CBLN2: variants seen among roughly 807,000 people sequenced by gnomAD.
CBLN2 encodes cerebellin-2.
A neutral mutation model predicts 15.0 loss-of-function variants in CBLN2; 7 were observed. The ratio of observed to expected loss-of-function variants is 0.47; its 90% CI spans 0.27 to 0.88. The LOEUF is 0.88. Among genes scored for constraint, CBLN2 ranks in the 40% least tolerant of loss-of-function variants. The pLI, the probability that CBLN2 is intolerant of heterozygous loss-of-function variation, is 0.14. For synonymous variants in CBLN2, 149 were observed against 135.2 expected (o/e 1.10, Z -0.71); for missense variants, 242 against 304.5 (o/e 0.79, Z 1.53).
At chr18:72,567,695 CTCT>C (rs1414819518) in intron 1 of CBLN2, among the ~76,000 whole-genome samples, 1 of 152,150 alleles carries the variant, frequency 6.6e-6, no homozygotes, top group Non-Finnish European at 1.5e-5. Context: ...TTTTCTCTTT[CTCT>C]TCTTCTTTCT....
At chr18:72,546,573 C>A (rs906127825), upstream of CBLN2, among the ~76,000 whole-genome samples, 7 of 152,072 alleles carry the variant, frequency 4.6e-5, no homozygotes, top group African/African-American at 1.7e-4. Flanking sequence ...TCCTTTTTCT[C>A]TCCCTTTTCC....
intron 1 of CBLN2, among the ~76,000 whole-genome samples, chr18:72,610,012 G>A (rs1599021897): frequency 6.6e-6 from 1 of 152,124 alleles, no homozygotes; most frequent in East Asian, 1.9e-4. Context: ...GTTCCCTAAT[G>A]TTCCACAGCC....
chr18:72,613,452 A>G (rs1167363374), intron 1 of CBLN2, among the ~76,000 whole-genome samples: 1 of 151,936 alleles, frequency 6.6e-6, no homozygotes, highest in East Asian at 1.9e-4. Context: ...TTATTTTTAA[A>G]TTATTATTAG....
At chr18:72,549,859 A>G (rs1242359126) in intron 1 of CBLN2, among the ~76,000 whole-genome samples, 1 of 152,138 alleles carries the variant, frequency 6.6e-6, no homozygotes, top group Non-Finnish European at 1.5e-5. Context: ...TCATCTGCAC[A>G]TTACTGGGCA....
intron 1 of CBLN2, among the ~76,000 whole-genome samples, chr18:72,595,598 G>C (rs2069508343): frequency 6.6e-6 from 1 of 152,110 alleles, no homozygotes; most frequent in Non-Finnish European, 1.5e-5. Context: ...TGGATGATCT[G>C]TCCAATGCTG....
intron 1 of CBLN2, among the ~76,000 whole-genome samples, chr18:72,636,767 A>G (rs1307787729): frequency 6.6e-6 from 1 of 152,198 alleles, no homozygotes; most frequent in Non-Finnish European, 1.5e-5. Context: ...TCACATGTAG[A>G]ATGAAAATTG....
At chr18:72,575,502 A>C (rs1189741231) in intron 1 of CBLN2, among the ~76,000 whole-genome samples, 2 of 152,144 alleles carry the variant, frequency 1.3e-5, no homozygotes, top group African/African-American at 4.8e-5. Context: ...GAAGGTTTTT[A>C]GGAAGGGGGG....
intron 1 of CBLN2, among the ~76,000 whole-genome samples, chr18:72,581,150 C>T (rs1161990516): frequency 2.0e-5 from 3 of 152,212 alleles, no homozygotes; most frequent in Admixed American, 1.3e-4. Flanking sequence ...TCAGATATCT[C>T]TCCTCTATCA....
At chr18:72,593,840 T>G (rs2069495999) in intron 1 of CBLN2, among the ~76,000 whole-genome samples, 1 of 152,192 alleles carries the variant, frequency 6.6e-6, no homozygotes, top group African/African-American at 2.4e-5. Flanking sequence ...ATGCATAAGT[T>G]TACTGCAGCA....
intron 1 of CBLN2, among the ~76,000 whole-genome samples, chr18:72,560,312 A>T (rs658467): frequency 2.6e-5 from 4 of 152,252 alleles, no homozygotes; most frequent in South Asian, 2.1e-4. Flanking sequence ...AATAAGGTGC[A>T]TGAGTGATCA....
intron 1 of CBLN2, among the ~76,000 whole-genome samples, chr18:72,567,960 G>A (rs535420369): frequency 6.6e-6 from 1 of 152,278 alleles, no homozygotes; most frequent in South Asian, 2.1e-4. Context: ...TAAAACTATT[G>A]TTAGGATTAA....
At chr18:72,579,732 G>GCAAAAAA (rs1359382633) in intron 1 of CBLN2, among the ~76,000 whole-genome samples, 1 of 94,086 alleles carries the variant, frequency 1.1e-5, no homozygotes, top group African/African-American at 2.6e-5. Flanking sequence ...ACTCCGTCTC[G>GCAAAAAA]CAAAAAACAA....
At chr18:72,611,564 G>C (rs1281268234) in intron 1 of CBLN2, among the ~76,000 whole-genome samples, 3 of 152,094 alleles carry the variant, frequency 2.0e-5, no homozygotes, top group Admixed American at 2.0e-4. Context: ...GTCTGTTCAT[G>C]TCTTTTGCCT....
At chr18:72,637,049 A>AAG (rs1438887553) in intron 1 of CBLN2, among the ~76,000 whole-genome samples, 5 of 151,996 alleles carry the variant, frequency 3.3e-5, no homozygotes, top group African/African-American at 1.2e-4. Flanking sequence ...TGCAAAAAAA[A>AAG]AAAAAACCCA....
rs142831507 is a variant in CBLN2 at position 72,636,158 on chromosome 18, T to A, written c.15+2167A>T. Among the ~76,000 whole-genome samples, 245 of 152,340 alleles carry A rather than the reference T, an allele frequency of 1.6e-3. No homozygotes were observed. The Middle Eastern group carries it at 0.024, about 15-fold the overall frequency. ...TACATTATCCAAATTCAAATTTAAT[T>A]TTCTTTATAAAATGGAACATTATCT... On this transcript the variant is annotated intron_variant, in intron 1 of 2. Transcript: ENST00000581073.
At chr18:72,619,323 G>C in intron 1 of CBLN2, 1 of 561,116 alleles carries the variant, frequency 1.8e-6, no homozygotes, top group Non-Finnish European at 3.3e-6. Flanking sequence ...AAGCACAGTG[G>C]TGGCAGGGCC....
upstream of CBLN2, among the ~76,000 whole-genome samples, chr18:72,547,295 A>T (rs1376714556): frequency 6.6e-6 from 1 of 152,152 alleles, no homozygotes; most frequent in Non-Finnish European, 1.5e-5. Context: ...GGGAGGTAAA[A>T]AATGCGCACA....
intron 1 of CBLN2, among the ~76,000 whole-genome samples, chr18:72,610,179 G>T (rs2069612517): frequency 6.6e-6 from 1 of 152,038 alleles, no homozygotes; most frequent in South Asian, 2.1e-4. Context: ...AGTTGTTGTT[G>T]TTGTTTTTAG....
chr18:72,538,493 G>A (rs962067598), intron 4 of CBLN2, 120 bp from the exon 5 acceptor site: 119 of 1,409,714 alleles, frequency 8.4e-5, no homozygotes, highest in Admixed American at 1.6e-4. Flanking sequence ...CACATCAGGG[G>A]AGCCTGACAG....
Sources: allele counts gnomAD v4.1 joint callset (sites outside exome capture counted in the v4.1 genomes callset), GRCh38; gene constraint gnomAD v4.1.1; transcripts MANE v1.5; gene names NCBI Gene and HGNC (gene_info 2026-07-23, HGNC 2026-07-21).